MEIS1: variants seen among roughly 807,000 people sequenced by gnomAD.
MEIS1 encodes the protein homeobox protein Meis1.
Under a neutral mutation model 50.8 loss-of-function variants are expected in MEIS1, and 5 were observed. The ratio of observed to expected loss-of-function variants is 0.10; its 90% CI spans 0.05 to 0.21. The LOEUF (loss-of-function observed/expected upper bound fraction) is 0.21, where lower values mean the gene tolerates loss of function less well. Ranked by LOEUF, MEIS1 falls within the 10% of genes least tolerant of loss-of-function variation. MEIS1 has a pLI of 1.00. For missense variants in MEIS1, 318 were observed against 517.3 expected (o/e 0.61, Z 3.74); for synonymous variants, 176 against 179.3 (o/e 0.98, Z 0.15).
intron 7 of MEIS1, among the ~76,000 whole-genome samples, chr2:66,471,890 T>G (rs1049170575): frequency 6.6e-6 from 1 of 152,198 alleles, no homozygotes; most frequent in Non-Finnish European, 1.5e-5. Flanking sequence ...CAAAAATACA[T>G]CACATATAGA....
At chr2:66,541,709 C>T (rs1342947952) in intron 8 of MEIS1, among the ~76,000 whole-genome samples, 1 of 152,206 alleles carries the variant, frequency 6.6e-6, no homozygotes, top group East Asian at 1.9e-4. Flanking sequence ...AATCCTATGA[C>T]TCTACTGATG....
chr2:66,446,045 G>A (rs1049848248), intron 6 of MEIS1, among the ~76,000 whole-genome samples: 1 of 152,100 alleles, frequency 6.6e-6, no homozygotes, highest in Non-Finnish European at 1.5e-5. Context: ...AGAGGCTAGG[G>A]GAAGCGAGGG....
chr2:66,517,447 A>C (rs764943171), intron 8 of MEIS1, among the ~76,000 whole-genome samples: 4 of 152,188 alleles, frequency 2.6e-5, no homozygotes, highest in Non-Finnish European at 4.4e-5. Context: ...CATGTACCCT[A>C]TCAAAAATTA....
chr2:66,493,732 T>A (rs1253831750), intron 7 of MEIS1, among the ~76,000 whole-genome samples: 2 of 152,158 alleles, frequency 1.3e-5, no homozygotes, highest in Non-Finnish European at 2.9e-5. Flanking sequence ...ACATTATGAC[T>A]CCCCTATAAG....
At chr2:66,440,714 T>C (rs1489008428) in intron 4 of MEIS1, 102 bp downstream of exon 4, 5 of 694,744 alleles carry the variant, frequency 7.2e-6, no homozygotes, top group Non-Finnish European at 9.4e-6. Context: ...TCTAGACCGG[T>C]CTTCCCGTGC....
chr2:66,497,344 A>AGAT (rs765068457), intron 7 of MEIS1, among the ~76,000 whole-genome samples: 1 of 152,198 alleles, frequency 6.6e-6, no homozygotes, highest in Non-Finnish European at 1.5e-5. Flanking sequence ...GGATTAAATG[A>AGAT]GATACTTCAG....
intron 7 of MEIS1, among the ~76,000 whole-genome samples, 189 bp downstream of exon 7, chr2:66,464,409 G>A (rs1483816015): frequency 2.6e-5 from 4 of 152,158 alleles, no homozygotes; most frequent in Non-Finnish European, 4.4e-5. Context: ...TTAACTGTCT[G>A]TCACCTGGCC....
At chr2:66,459,531 A>G (rs1300695319) in intron 6 of MEIS1, among the ~76,000 whole-genome samples, 1 of 152,168 alleles carries the variant, frequency 6.6e-6, no homozygotes, top group Non-Finnish European at 1.5e-5. Flanking sequence ...GACCTCACAG[A>G]GCGTATGATC....
intron 9 of MEIS1, among the ~76,000 whole-genome samples, chr2:66,558,279 C>CAAAAAAAA (rs59017279): frequency 0.01 from 576 of 56,860 alleles, 1 homozygote; most frequent in Middle Eastern, 0.025. Context: ...AACTCCATCT[C>CAAAAAAAA]AAAAAAAAAA....
chr2:66,567,303 G>T, intron 9 of MEIS1, 150 bp from the exon 10 acceptor site: 1 of 785,464 alleles, frequency 1.3e-6, no homozygotes, highest in Non-Finnish European at 2.2e-6. Flanking sequence ...TCCAGCACGT[G>T]AGGCTGCACA....
At chr2:66,535,266 C>T (rs1674490201) in intron 8 of MEIS1, among the ~76,000 whole-genome samples, 1 of 152,132 alleles carries the variant, frequency 6.6e-6, no homozygotes, top group Non-Finnish European at 1.5e-5. Flanking sequence ...GGCAACATTA[C>T]CTATTCTAAC....
chr2:66,508,801 A>G (rs759924743), intron 7 of MEIS1: 9 of 311,020 alleles, frequency 2.9e-5, no homozygotes, highest in Non-Finnish European at 5.3e-5. Flanking sequence ...TCATAGCATC[A>G]GCAAAACGAG....
chr2:66,546,837 A>G (rs1018390764), intron 8 of MEIS1, among the ~76,000 whole-genome samples: 56 of 152,186 alleles, frequency 3.7e-4, no homozygotes, highest in African/African-American at 1.3e-3. Context: ...TACATATAAG[A>G]GTACTGAAGT....
At chr2:66,568,519 A>G in intron 10 of MEIS1, 148 bp from the exon 11 acceptor site, 2 of 309,384 alleles carry the variant, frequency 6.5e-6, no homozygotes, top group Non-Finnish European at 1.1e-5. Context: ...CTAGTCTGAG[A>G]GAAATTTCAC....
intron 9 of MEIS1, among the ~76,000 whole-genome samples, chr2:66,566,046 C>A (rs1469107881): frequency 6.6e-6 from 1 of 152,092 alleles, no homozygotes. Flanking sequence ...ATAATGATAA[C>A]CTGATTTGCA....
intron 7 of MEIS1, among the ~76,000 whole-genome samples, chr2:66,481,438 C>T (rs949861972): frequency 6.6e-6 from 1 of 152,228 alleles, no homozygotes; most frequent in Non-Finnish European, 1.5e-5. Flanking sequence ...CTGGACTTAT[C>T]TGGGTTGAGC....
At chr2:66,545,661 T>A (rs959805128) in intron 8 of MEIS1, among the ~76,000 whole-genome samples, 2 of 152,198 alleles carry the variant, frequency 1.3e-5, no homozygotes, top group Admixed American at 1.3e-4. Context: ...GAAATTCATT[T>A]GGTTTGTATT....
chr2:66,487,910 C>T (rs1673180292), intron 7 of MEIS1, among the ~76,000 whole-genome samples: 1 of 152,210 alleles, frequency 6.6e-6, no homozygotes, highest in South Asian at 2.1e-4. Flanking sequence ...TTAAGTTCCA[C>T]ATAATTTCAT....
rs1250259813 is a variant in MEIS1 at position 66,437,238 on chromosome 2, G to T, written c.13-499G>T. 2.0e-5 allele frequency among the ~76,000 whole-genome samples: 3 copies of T among 151,804 alleles called. No homozygotes were observed. In the East Asian group the frequency reaches 5.8e-4, roughly 29 times the overall value. On this transcript the variant is annotated intron_variant, in intron 1 of 12. Transcript: ENST00000272369. ...CGCTGGCAGGGAAATAAAATGAGAA[G>T]CCTGTCTAAATTCACGTGCTTTGCG...
Sources: gnomAD v4.1 joint callset for allele counts (sites outside exome capture counted in the v4.1 genomes callset) on GRCh38, gnomAD v4.1.1 for gene constraint, MANE v1.5 for transcripts, NCBI Gene and HGNC (gene_info 2026-07-23, HGNC 2026-07-21) for gene names.